Variants in DSCAM observed in about 807,000 individuals in gnomAD.
DSCAM encodes DS cell adhesion molecule, also known as cell adhesion molecule DSCAM.
A neutral mutation model predicts 217.7 loss-of-function variants in DSCAM; 47 were observed. The observed-to-expected ratio is 0.22, with a 90% CI of 0.17 to 0.28. The LOEUF is 0.28. Ranked by LOEUF, DSCAM falls within the 10% of genes least tolerant of loss-of-function variation. DSCAM has a pLI of 1.00. For synonymous variants in DSCAM, 1,056 were observed against 1,015.3 expected (o/e 1.04, Z -0.76); for missense variants, 2,080 against 2,618.3 (o/e 0.79, Z 4.49).
At chr21:40,352,100 G>A (rs923807140) in intron 5 of DSCAM, among the ~76,000 whole-genome samples, 4 of 152,146 alleles carry the variant, frequency 2.6e-5, no homozygotes, top group African/African-American at 9.7e-5. Context: ...TTGCACAGTA[G>A]GATGTAAATA....
intron 10 of DSCAM, among the ~76,000 whole-genome samples, chr21:40,283,861 C>A (rs1305096043): frequency 6.6e-6 from 1 of 151,986 alleles, no homozygotes; most frequent in Non-Finnish European, 1.5e-5. Flanking sequence ...CCAGAGGGGT[C>A]CCCTTGTAGG....
At chr21:40,641,277 G>A (rs1043291376) in intron 3 of DSCAM, among the ~76,000 whole-genome samples, 7 of 152,026 alleles carry the variant, frequency 4.6e-5, no homozygotes, top group African/African-American at 1.2e-4. Context: ...GGTGGTGGAC[G>A]TTTAAATCTA....
At chr21:40,781,835 C>CCCATTTTCCTCTACTTTAAA (rs2091546844) in intron 1 of DSCAM, among the ~76,000 whole-genome samples, 1 of 152,006 alleles carries the variant, frequency 6.6e-6, no homozygotes, top group Non-Finnish European at 1.5e-5. Flanking sequence ...GCATCTTCTT[C>CCCATTTTCCTCTACTTTAAA]CCATTTTCCT....
chr21:40,171,669 T>G (rs1197932423), intron 15 of DSCAM, among the ~76,000 whole-genome samples: 1 of 152,060 alleles, frequency 6.6e-6, no homozygotes, highest in Non-Finnish European at 1.5e-5. Flanking sequence ...ATTAGGAAGG[T>G]TTTTTGTTTG....
rs144032458 is a variant in DSCAM at position 40,234,131 on chromosome 21, G to A, written c.2356+41966C>T. Among the ~76,000 whole-genome samples, 150 of 152,230 alleles carry A rather than the reference G, an allele frequency of 9.9e-4. 1 individual carries two copies. Among genetic ancestry groups the A allele is most frequent in the African/African-American group, 1.1e-3 (45 of 41,546 alleles). On this transcript the variant is annotated intron_variant, in intron 11 of 32. Transcript: ENST00000400454. ...GGCTGCATTCTCAGAATATTATATC[G>A]GTCTTAAAACAGTGATTTGGTTTTC... is the stretch of plus-strand genomic sequence containing the variant.
intron 8 of DSCAM, among the ~76,000 whole-genome samples, chr21:40,330,368 T>C (rs1380326280): frequency 7.0e-6 from 1 of 143,026 alleles, no homozygotes; most frequent in African/African-American, 2.6e-5. Context: ...ATTATGCATA[T>C]ATTTATATAT....
intron 3 of DSCAM, among the ~76,000 whole-genome samples, chr21:40,390,799 C>T (rs1485773492): frequency 6.6e-6 from 1 of 152,142 alleles, no homozygotes; most frequent in Non-Finnish European, 1.5e-5. Context: ...CATCCTACTC[C>T]AATACAACTT....
At chr21:40,666,373 C>T (rs550096081) in intron 3 of DSCAM, among the ~76,000 whole-genome samples, 11 of 152,218 alleles carry the variant, frequency 7.2e-5, no homozygotes, top group African/African-American at 2.4e-4. Context: ...GAGAAAACCG[C>T]GGAACAGAAG....
intron 18 of DSCAM, among the ~76,000 whole-genome samples, chr21:40,136,457 A>C (rs1168003447): frequency 6.6e-6 from 1 of 152,128 alleles, no homozygotes; most frequent in African/African-American, 2.4e-5. Context: ...CTCCAGCCTG[A>C]AGGATAGAGC....
At chr21:40,708,853 T>C (rs2205144) in intron 1 of DSCAM, 82 bp from the exon 2 acceptor site, 62,831 of 1,070,754 alleles carry the variant, frequency 0.059, 2,014 homozygotes, top group African/African-American at 0.11. Flanking sequence ...CCTCAGAAAG[T>C]TATCCTGAAA....
At chr21:40,465,061 A>T (rs1230702256) in intron 3 of DSCAM, among the ~76,000 whole-genome samples, 1 of 152,108 alleles carries the variant, frequency 6.6e-6, no homozygotes, top group Non-Finnish European at 1.5e-5. Context: ...TGAACCATGT[A>T]AATAAAATTG....
chr21:40,572,739 T>C (rs1365089106), intron 3 of DSCAM, among the ~76,000 whole-genome samples: 1 of 152,254 alleles, frequency 6.6e-6, no homozygotes, highest in East Asian at 1.9e-4. Context: ...ATAAAGAGAT[T>C]CAAAATGCAT....
intron 20 of DSCAM, among the ~76,000 whole-genome samples, chr21:40,101,561 T>C (rs1163383368): frequency 6.6e-6 from 1 of 152,074 alleles, no homozygotes; most frequent in Admixed American, 6.5e-5. Context: ...ATAAGAAGCA[T>C]GCAGTATAGG....
intron 1 of DSCAM, among the ~76,000 whole-genome samples, chr21:40,736,811 GT>G (rs34549258): frequency 6.6e-6 from 1 of 151,748 alleles, no homozygotes; most frequent in South Asian, 2.1e-4. Flanking sequence ...ATAGCATAGG[GT>G]TTTTTTTGCA....
At chr21:40,203,308 A>G (rs147736840) in intron 11 of DSCAM, among the ~76,000 whole-genome samples, 224 of 152,330 alleles carry the variant, frequency 1.5e-3, no homozygotes, top group African/African-American at 4.9e-3. Context: ...CATGTATAGT[A>G]CCTGTTGTTT....
At position 40,441,563 on chromosome 21, in the gene DSCAM, A is replaced by G. The variant is rs140027608; in HGVS notation, c.509-72318T>C. ...ATTTATGAAACCATTCACCCTTCAA[A>G]TTGGCTACCTCTCTCCTACTTCTTC... On this transcript the variant is annotated intron_variant, in intron 3 of 32. Coordinates refer to ENST00000400454, the MANE Select transcript of DSCAM (RefSeq NM_001389.5). Among the ~76,000 whole-genome samples, 1,061 of 152,302 alleles carry G rather than the reference A, an allele frequency of 7.0e-3. 27 individuals are homozygous for G. In the South Asian group the frequency reaches 0.093, roughly 13 times the overall value.
intron 3 of DSCAM, among the ~76,000 whole-genome samples, chr21:40,462,150 T>C (rs1484069614): frequency 6.6e-6 from 1 of 152,194 alleles, no homozygotes; most frequent in Non-Finnish European, 1.5e-5. Flanking sequence ...TTGGAACTCC[T>C]TCCTGCAAGT....
chr21:40,022,897 G>C (rs961542629), intron 32 of DSCAM, among the ~76,000 whole-genome samples: 18 of 150,982 alleles, frequency 1.2e-4, no homozygotes, highest in African/African-American at 4.4e-4. Flanking sequence ...ATTATTTTAA[G>C]TTTTAGGGTA....
At chr21:40,203,381 G>A (rs903819141) in intron 11 of DSCAM, among the ~76,000 whole-genome samples, 1 of 152,220 alleles carries the variant, frequency 6.6e-6, no homozygotes, top group Non-Finnish European at 1.5e-5. Flanking sequence ...GAACATGCTA[G>A]AAATGCACAC....
Sources: allele counts gnomAD v4.1 joint callset (sites outside exome capture counted in the v4.1 genomes callset), GRCh38; gene constraint gnomAD v4.1.1; transcripts MANE v1.5; gene names NCBI Gene and HGNC (gene_info 2026-07-23, HGNC 2026-07-21).